The following NAALAD2 variants were observed in gnomAD, a reference collection of about 807,000 sequenced individuals.
NAALAD2 encodes the protein N-acetylated-alpha-linked acidic dipeptidase 2.
In NAALAD2, 89 loss-of-function variants were observed where a neutral mutation model predicts 95.6. The ratio of observed to expected loss-of-function variants is 0.93; its 90% CI spans 0.78 to 1.11. The LOEUF (loss-of-function observed/expected upper bound fraction) is 1.11, where lower values mean the gene tolerates loss of function less well. NAALAD2 is among the 50% of genes least tolerant of loss of function. The pLI, the probability that NAALAD2 is intolerant of heterozygous loss-of-function variation, is 0.00. For synonymous variants in NAALAD2, 264 were observed against 294.4 expected, an observed-to-expected ratio of 0.90 and a Z score of 1.06; for missense variants, 894 against 872.4, an observed-to-expected ratio of 1.02 and a Z score of -0.31.
At position 90,184,595 on chromosome 11, in the gene NAALAD2, CTATT is replaced by C. The variant is rs1317068638; in HGVS notation, c.2033+1595_2033+1598del. Among the ~76,000 whole-genome samples the C allele has an allele frequency of 3.3e-5, 5 of 152,016 alleles. No homozygotes were observed. The East Asian group carries it at 7.7e-4, about 23-fold the overall frequency. On this transcript the variant is annotated intron_variant, in intron 18 of 18. Transcript: ENST00000534061. ...TAGTCTATCTTTATATATTTATTTT[CTATT>C]TATTTATAAGAAATCTATATTTTGT...
Position 90,165,641 on chromosome 11 carries a change from G to A in NAALAD2, c.1278+2024G>A, listed in dbSNP as rs1482395899. Among the ~76,000 whole-genome samples the A allele has an allele frequency of 1.2e-4, 19 of 152,106 alleles. No individual in the cohort carries two copies. In the East Asian group the frequency reaches 3.5e-3, roughly 28 times the overall value. ...CCTTTGTTGATTACATTTACACTGCGAATTGTTATTTTCACATTGGTATTA... is the reference window on the plus strand; with the variant it reads ...CCTTTGTTGATTACATTTACACTGCAAATTGTTATTTTCACATTGGTATTA... On this transcript the variant is annotated intron_variant, in intron 11 of 18. Transcript: ENST00000534061.
intron 14 of NAALAD2, among the ~76,000 whole-genome samples, chr11:90,175,433 G>C (rs955184168): frequency 2.6e-5 from 4 of 152,036 alleles, no homozygotes; most frequent in Admixed American, 2.0e-4. Flanking sequence ...TTTTATTTAT[G>C]TATATGCATA....
upstream of NAALAD2, among the ~76,000 whole-genome samples, chr11:90,134,224 C>G (rs1590946817): frequency 1.3e-5 from 2 of 152,042 alleles, no homozygotes; most frequent in South Asian, 4.2e-4. Context: ...AAACGCAATC[C>G]CATCGATTTT....
intron 12 of NAALAD2, 196 bp downstream of exon 12, chr11:90,169,188 C>T: frequency 2.1e-6 from 1 of 470,486 alleles, no homozygotes; most frequent in Non-Finnish European, 3.7e-6. Flanking sequence ...AATTAGGATT[C>T]ATATGAATTG....
In NAALAD2 at chr11:90,147,601, A is replaced by T. The variant is rs914482499; in HGVS notation, c.381+85A>T. 30 of 1,236,514 alleles carry T rather than the reference A, an allele frequency of 2.4e-5. No homozygotes were observed. The African/African-American group carries it at 4.4e-4, about 18-fold the overall frequency. 76.6% of individuals were successfully genotyped at this position (1,236,514 alleles called of 1,614,324 possible). ...AATGTAGGGTCAAGTAAAAGTAGAA[A>T]TTTGTTAATAGTGAATTATTCAGTA... On this transcript the variant is annotated intron_variant, in intron 3 of 18. Coordinates refer to ENST00000534061, the MANE Select transcript of NAALAD2 (RefSeq NM_005467.4).
intron 18 of NAALAD2, among the ~76,000 whole-genome samples, chr11:90,183,681 C>T (rs957769220): frequency 1.3e-5 from 2 of 152,044 alleles, no homozygotes; most frequent in Non-Finnish European, 2.9e-5. Context: ...GTGTAGTATT[C>T]AATAAATTAC....
At chr11:90,135,479 A>G (rs1002057456) in intron 1 of NAALAD2, 80 bp from the exon 2 acceptor site, 5 of 891,712 alleles carry the variant, frequency 5.6e-6, no homozygotes, top group Non-Finnish European at 8.4e-6. Context: ...GGGGAAGGAC[A>G]GAGGGGTGGC....
chr11:90,177,788 C>A, intron 15 of NAALAD2, 65 bp from the exon 16 acceptor site: 1 of 1,423,168 alleles, frequency 7.0e-7, no homozygotes, highest in Non-Finnish European at 9.5e-7. Context: ...TTTATGCTTA[C>A]ATAAAAATAT....
chr11:90,164,654 T>G (rs1170941696), intron 11 of NAALAD2, among the ~76,000 whole-genome samples: 1 of 152,224 alleles, frequency 6.6e-6, no homozygotes, highest in Admixed American at 6.5e-5. Context: ...TTTACCCATT[T>G]TAACTCATTT....
chr11:90,149,844 T>C (rs1254641631), intron 4 of NAALAD2, among the ~76,000 whole-genome samples: 1 of 152,214 alleles, frequency 6.6e-6, no homozygotes, highest in African/African-American at 2.4e-5. Flanking sequence ...CTTAAATTAA[T>C]GCAATGGTTG....
chr11:90,168,973 C>T lies in NAALAD2; in HGVS notation c.1323C>T (p.Asn441=), dbSNP rs774967559. The change falls in exon 12 of 19, where the codon AAC becomes AAT. Residue 441 remains asparagine, a synonymous_variant. Transcript: ENST00000534061. ...ILQERSIAYI[N]SDSSIEGNYT... The stretch of plus-strand genomic sequence containing the variant: ...AGGAGAGAAGCATTGCTTATATCAA[C>T]TCGGATTCATCTATAGAAGGTAAAT... The T allele has an allele frequency of 6.2e-7, 1 of 1,604,548 alleles. No individual in the cohort carries two copies. The highest frequency in any genetic ancestry group is 2.2e-5 in the East Asian group (1 of 44,546).
At position 90,158,204 on chromosome 11, in the gene NAALAD2, C is replaced by A. The variant is rs1218552625; in HGVS notation, c.856C>A (p.Pro286Thr). 1.2e-6 allele frequency: 2 copies of A among 1,610,110 alleles called. No individual in the cohort carries two copies. The highest frequency in any genetic ancestry group is 1.7e-6 in the Non-Finnish European group (2 of 1,177,272). The change falls in exon 7 of 19, where the codon CCC (proline) becomes ACC (threonine). Residue 286 changes from proline (P) to threonine (T), a missense_variant. Pro to Thr is a conservative substitution (Grantham distance 38, BLOSUM62 -1). Coordinates refer to ENST00000534061, the MANE Select transcript of NAALAD2 (RefSeq NM_005467.4). ...GGGAATCCCCCGAATACCTGTACAT[C>A]CCATTGGATATAATGATGCAGAAAT... is the stretch of plus-strand genomic sequence containing the variant. Reference protein sequence around the residue: ...GVGIPRIPVHPIGYNDAEILL... With the variant: ...GVGIPRIPVHTIGYNDAEILL...
chr11:90,155,376 C>T (rs1565522537), intron 6 of NAALAD2, among the ~76,000 whole-genome samples: 2,727 of 76,842 alleles, frequency 0.035, 37 homozygotes, highest in East Asian at 0.096. Flanking sequence ...TGTAATATTA[C>T]ATATTATACA....
chr11:90,190,299 A>G (rs2135004159), intron 18 of NAALAD2, among the ~76,000 whole-genome samples: 1 of 152,306 alleles, frequency 6.6e-6, no homozygotes, highest in East Asian at 1.9e-4. Flanking sequence ...CTGATAGTTG[A>G]TAGTATTCTG....
chr11:90,139,855 CTT>C (rs71472281), intron 2 of NAALAD2, among the ~76,000 whole-genome samples: 4,070 of 144,138 alleles, frequency 0.028, 147 homozygotes, highest in African/African-American at 0.085. Context: ...CAAACTTTTC[CTT>C]TTTTTTTTTT....
chr11:90,180,945 G>C (rs1952946997), intron 16 of NAALAD2, among the ~76,000 whole-genome samples: 1 of 152,110 alleles, frequency 6.6e-6, no homozygotes, highest in Non-Finnish European at 1.5e-5. Flanking sequence ...ATGACTTAAA[G>C]TATAGGGGAG....
chr11:90,180,893 T>TTAG, intron 16 of NAALAD2, among the ~76,000 whole-genome samples: 2 of 152,186 alleles, frequency 1.3e-5, no homozygotes, highest in Admixed American at 1.3e-4. Flanking sequence ...CCACATGAAG[T>TTAG]TATATATAGG....
rs140038266 is a variant in NAALAD2 at position 90,175,391 on chromosome 11, C to A, written c.1503-581C>A. 6.6e-3 allele frequency among the ~76,000 whole-genome samples: 1,011 copies of A among 152,100 alleles called. 3 individuals are homozygous for A. Among genetic ancestry groups the A allele is most frequent in the Non-Finnish European group, 0.011 (770 of 67,978 alleles). On this transcript the variant is annotated intron_variant, in intron 14 of 18. Coordinates refer to ENST00000534061, the MANE Select transcript of NAALAD2 (RefSeq NM_005467.4). ...TTTATATTCTGCTTTCATGACTTACCATTATTTTACTAAAAATTTTCATGT... is the reference window on the plus strand; with the variant it reads ...TTTATATTCTGCTTTCATGACTTACAATTATTTTACTAAAAATTTTCATGT...
chr11:90,177,895 T>C lies in NAALAD2; in HGVS notation c.1636T>C (p.Tyr546His). 1 of 1,613,950 alleles carries C rather than the reference T, an allele frequency of 6.2e-7. No homozygotes were observed. Among genetic ancestry groups the C allele is most frequent in the Non-Finnish European group, 8.5e-7 (1 of 1,179,944 alleles). ...CAGCTACCCAGTGTACCACACAATT[T>C]ATGAGACATTTGAATTGGTAGAGAA... is the stretch of plus-strand genomic sequence containing the variant. ...YSSYPVYHTI[Y>H]ETFELVEKFY... The change falls in exon 16 of 19, where the codon TAT (tyrosine) becomes CAT (histidine). Residue 546 changes from tyrosine to histidine, a missense_variant. Tyr to His is a moderately conservative substitution (Grantham distance 83). Transcript: ENST00000534061.
Sources: gnomAD v4.1 joint callset for allele counts (sites outside exome capture counted in the v4.1 genomes callset) on GRCh38, gnomAD v4.1.1 for gene constraint, MANE v1.5 for transcripts, NCBI Gene and HGNC (gene_info 2026-07-23, HGNC 2026-07-21) for gene names.